ZSWIM5: variants seen among roughly 807,000 people sequenced by gnomAD.
ZSWIM5 encodes zinc finger SWIM domain-containing protein 5.
Under a neutral mutation model 119.6 loss-of-function variants are expected in ZSWIM5, and 55 were observed. The ratio of observed to expected loss-of-function variants is 0.46; its 90% CI spans 0.37 to 0.58. The LOEUF (loss-of-function observed/expected upper bound fraction) is 0.58, where lower values mean the gene tolerates loss of function less well. ZSWIM5 is among the 20% of genes least tolerant of loss of function. The pLI, the probability that ZSWIM5 is intolerant of heterozygous loss-of-function variation, is 0.00. For missense variants in ZSWIM5, 1,193 were observed against 1,512.8 expected, an observed-to-expected ratio of 0.79 and a Z score of 3.51; for synonymous variants, 537 against 606.9, an observed-to-expected ratio of 0.88 and a Z score of 1.69.
intron 1 of ZSWIM5, among the ~76,000 whole-genome samples, chr1:45,151,475 GAAGA>G (rs1435539637): frequency 2.0e-5 from 3 of 151,878 alleles, no homozygotes; most frequent in South Asian, 2.1e-4. Context: ...CATTAATGAA[GAAGA>G]AAGGCACATT....
chr1:45,166,973 T>A (rs1398348164), intron 1 of ZSWIM5, among the ~76,000 whole-genome samples: 5 of 152,096 alleles, frequency 3.3e-5, no homozygotes, highest in Admixed American at 3.3e-4. Context: ...AAAAACTACT[T>A]TAAAGTTCAG....
At chr1:45,075,389 T>C (rs918516592) in intron 2 of ZSWIM5, among the ~76,000 whole-genome samples, 17 of 152,206 alleles carry the variant, frequency 1.1e-4, no homozygotes, top group Non-Finnish European at 2.9e-5. Flanking sequence ...GGTGCTCCAG[T>C]GTTGGGTGTA....
intron 1 of ZSWIM5, among the ~76,000 whole-genome samples, chr1:45,093,748 G>A (rs557381696): frequency 8.4e-4 from 127 of 152,082 alleles, no homozygotes; most frequent in African/African-American, 2.7e-3. Context: ...AAGCCAAGTA[G>A]ACTAGGTTTA....
At chr1:45,201,884 T>C (rs1646160216) in intron 1 of ZSWIM5, among the ~76,000 whole-genome samples, 2 of 152,186 alleles carry the variant, frequency 1.3e-5, no homozygotes, top group African/African-American at 4.8e-5. Flanking sequence ...TATATTCCAA[T>C]ACCACTCATA....
intron 5 of ZSWIM5, among the ~76,000 whole-genome samples, chr1:45,047,460 C>G (rs1208447310): frequency 6.6e-6 from 1 of 152,186 alleles, no homozygotes; most frequent in African/African-American, 2.4e-5. Context: ...CCACCCATTT[C>G]TACCACCCAG....
At chr1:45,099,112 TG>T (rs1389353888) in intron 1 of ZSWIM5, among the ~76,000 whole-genome samples, 1 of 152,116 alleles carries the variant, frequency 6.6e-6, no homozygotes, top group African/African-American at 2.4e-5. Flanking sequence ...ATCCAGCAGC[TG>T]GTTTTTTGAA....
At chr1:45,180,349 C>G (rs1350114037) in intron 1 of ZSWIM5, among the ~76,000 whole-genome samples, 1 of 152,204 alleles carries the variant, frequency 6.6e-6, no homozygotes, top group Admixed American at 6.5e-5. Context: ...AGTCTGAGAT[C>G]AAACTGCAAG....
In ZSWIM5 at chr1:45,075,194, C is replaced by A. The variant is rs536582480; in HGVS notation, c.952+12687G>T. Among the ~76,000 whole-genome samples the A allele has an allele frequency of 3.1e-3, 473 of 152,042 alleles. 8 individuals are homozygous for A. The highest frequency in any genetic ancestry group is 1.1e-3 in the Non-Finnish European group (76 of 67,988). Reference sequence around the variant, plus strand: ...AGAATGTGTATTCTGCAGCTGCTGGCTGAAATGTTCGTAAATATCTATTAG... The same window carrying A: ...AGAATGTGTATTCTGCAGCTGCTGGATGAAATGTTCGTAAATATCTATTAG... On this transcript the variant is annotated intron_variant, in intron 2 of 13. Transcript: ENST00000359600.
At position 45,063,689 on chromosome 1, in the gene ZSWIM5, C is replaced by T. The variant is rs537515398; in HGVS notation, c.953-3442G>A. Among the ~76,000 whole-genome samples, 61 of 152,170 alleles carry T rather than the reference C, an allele frequency of 4.0e-4. 1 individual carries two copies. Among genetic ancestry groups the T allele is most frequent in the South Asian group, 1.2e-3 (6 of 4,820 alleles). On this transcript the variant is annotated intron_variant, in intron 2 of 13. Coordinates refer to ENST00000359600, the MANE Select transcript of ZSWIM5 (RefSeq NM_020883.2). ...ATTACTTCAGCTCCAGAGTCAGGGC[C>T]GCAATGAGAAACAGAAACCATAGGA...
intron 1 of ZSWIM5, among the ~76,000 whole-genome samples, chr1:45,160,693 T>G (rs1226724248): frequency 6.6e-6 from 1 of 151,930 alleles, no homozygotes; most frequent in Non-Finnish European, 1.5e-5. Flanking sequence ...TCGTTCTTGT[T>G]GCCCAGGCTG....
At chr1:45,093,851 T>TG (rs1557763477) in intron 1 of ZSWIM5, among the ~76,000 whole-genome samples, 2 of 150,452 alleles carry the variant, frequency 1.3e-5, no homozygotes, top group African/African-American at 4.9e-5. Flanking sequence ...AGCTTGTTTT[T>TG]TTTTTTTTTT....
At chr1:45,094,382 A>T (rs1401570567) in intron 1 of ZSWIM5, among the ~76,000 whole-genome samples, 1 of 151,494 alleles carries the variant, frequency 6.6e-6, no homozygotes, top group East Asian at 2.0e-4. Context: ...CATTTTTTGT[A>T]GAGATGGGAT....
intron 1 of ZSWIM5, among the ~76,000 whole-genome samples, chr1:45,174,300 A>T (rs1645963178): frequency 6.6e-6 from 1 of 152,106 alleles, no homozygotes; most frequent in Non-Finnish European, 1.5e-5. Context: ...ATATGAAATA[A>T]AACTAAAACA....
intron 10 of ZSWIM5, 113 bp downstream of exon 10, chr1:45,035,575 G>T: frequency 7.4e-7 from 1 of 1,350,790 alleles, no homozygotes; most frequent in Non-Finnish European, 1.0e-6. Flanking sequence ...CTTGGTAGCG[G>T]GTCCAACAGA....
At chr1:45,075,253 T>A (rs1309555961) in intron 2 of ZSWIM5, among the ~76,000 whole-genome samples, 1 of 151,980 alleles carries the variant, frequency 6.6e-6, no homozygotes, top group African/African-American at 2.4e-5. Context: ...TTAAATCCAA[T>A]GTTTCTTTGT....
chr1:45,131,647 C>T (rs1312691510), intron 1 of ZSWIM5, among the ~76,000 whole-genome samples: 1 of 148,752 alleles, frequency 6.7e-6, no homozygotes, highest in Non-Finnish European at 1.5e-5. Flanking sequence ...ATCACTTAAA[C>T]TCAAGAGGTG....
chr1:45,189,035 C>G (rs1024488446), intron 1 of ZSWIM5, among the ~76,000 whole-genome samples: 1 of 152,010 alleles, frequency 6.6e-6, no homozygotes, highest in Non-Finnish European at 1.5e-5. Flanking sequence ...TGCAAGGGAC[C>G]GGGCACGGTG....
intron 4 of ZSWIM5, among the ~76,000 whole-genome samples, chr1:45,054,482 T>C (rs1048301680): frequency 4.6e-5 from 7 of 151,950 alleles, no homozygotes; most frequent in Non-Finnish European, 7.4e-5. Context: ...CTTGGGAGGC[T>C]GAGGCAGAAG....
chr1:45,040,314 T>A (rs1026750115), intron 7 of ZSWIM5, 78 bp downstream of exon 7: 23 of 1,404,128 alleles, frequency 1.6e-5, no homozygotes, highest in Non-Finnish European at 1.9e-5. Flanking sequence ...ATTCCCTAGT[T>A]CTTCTGGGCC....
Sources: allele counts gnomAD v4.1 joint callset (sites outside exome capture counted in the v4.1 genomes callset), GRCh38; gene constraint gnomAD v4.1.1; transcripts MANE v1.5; gene names NCBI Gene and HGNC (gene_info 2026-07-23, HGNC 2026-07-21).